Variants in SYNPR observed in about 807,000 individuals in gnomAD.
The protein encoded by SYNPR is synaptoporin.
SYNPR carries 23 observed loss-of-function variants against 32.9 expected under a neutral mutation model. That is an observed-to-expected ratio of 0.70 (90% CI 0.50 to 0.99). SYNPR has a LOEUF of 0.99. Ranked by LOEUF, SYNPR falls within the 50% of genes least tolerant of loss-of-function variation. SYNPR has a pLI of 0.00. For missense variants in SYNPR, 318 were observed against 349.3 expected, an observed-to-expected ratio of 0.91 and a Z score of 0.71; for synonymous variants, 146 against 135.9, an observed-to-expected ratio of 1.07 and a Z score of -0.52.
intron 2 of SYNPR, among the ~76,000 whole-genome samples, chr3:63,343,691 C>T (rs566052140): frequency 1.3e-5 from 2 of 152,268 alleles, no homozygotes; most frequent in South Asian, 2.1e-4. Flanking sequence ...TATAAATTAC[C>T]CTAGAAGTTG....
intron 4 of SYNPR, among the ~76,000 whole-genome samples, chr3:63,587,905 C>A (rs1310876544): frequency 6.6e-6 from 1 of 151,976 alleles, no homozygotes; most frequent in African/African-American, 2.4e-5. Context: ...GCAACTGCAA[C>A]CATGCACAGT....
intron 2 of SYNPR, among the ~76,000 whole-genome samples, chr3:63,280,125 G>C (rs1164053820): frequency 1.3e-5 from 2 of 152,160 alleles, no homozygotes; most frequent in Admixed American, 6.5e-5. Flanking sequence ...CAAGTTCAAA[G>C]AGCTGACATC....
intron 4 of SYNPR, among the ~76,000 whole-genome samples, chr3:63,579,813 A>G (rs867739874): frequency 3.4e-5 from 5 of 146,792 alleles, no homozygotes; most frequent in Non-Finnish European, 5.9e-5. Context: ...ACACACACAC[A>G]CACACACACA....
chr3:63,455,263 T>C (rs1187518757), intron 2 of SYNPR, among the ~76,000 whole-genome samples: 1 of 152,114 alleles, frequency 6.6e-6, no homozygotes, highest in Non-Finnish European at 1.5e-5. Flanking sequence ...CTAATTATTA[T>C]AACTCTTATA....
chr3:63,295,684 T>C (rs1049592289), intron 2 of SYNPR, among the ~76,000 whole-genome samples: 3 of 152,224 alleles, frequency 2.0e-5, no homozygotes, highest in Non-Finnish European at 2.9e-5. Flanking sequence ...CTTATAAATA[T>C]ACTTGATAAA....
At chr3:63,264,354 G>A (rs919351722) in intron 2 of SYNPR, among the ~76,000 whole-genome samples, 2 of 151,878 alleles carry the variant, frequency 1.3e-5, no homozygotes, top group South Asian at 2.1e-4. Context: ...GAATTTAAGC[G>A]AAACAATAAT....
chr3:63,230,930 A>G (rs1452855960), intron 1 of SYNPR, among the ~76,000 whole-genome samples: 1 of 152,194 alleles, frequency 6.6e-6, no homozygotes, highest in Non-Finnish European at 1.5e-5. Context: ...GGATGTCAAG[A>G]GACTCCTTTT....
chr3:63,588,932 A>G (rs1007037009), intron 4 of SYNPR, among the ~76,000 whole-genome samples: 1 of 152,120 alleles, frequency 6.6e-6, no homozygotes, highest in Non-Finnish European at 1.5e-5. Context: ...CATGTGAGAC[A>G]CCCAAATTCC....
At chr3:63,565,292 C>G (rs182636258) in intron 4 of SYNPR, among the ~76,000 whole-genome samples, 1 of 152,222 alleles carries the variant, frequency 6.6e-6, no homozygotes, top group African/African-American at 2.4e-5. Flanking sequence ...AATAAAATAC[C>G]TGAGACTGGG....
At chr3:63,323,364 A>C (rs1168144378) in intron 2 of SYNPR, among the ~76,000 whole-genome samples, 3 of 152,192 alleles carry the variant, frequency 2.0e-5, no homozygotes, top group African/African-American at 7.2e-5. Context: ...GCCTTATGGC[A>C]AAAAGGGAGA....
the SYNPR span, among the ~76,000 whole-genome samples, chr3:63,219,638 A>T: frequency 6.6e-6 from 1 of 152,168 alleles, no homozygotes; most frequent in South Asian, 2.1e-4. Flanking sequence ...TGTATGGTAT[A>T]TGGATTATAT....
chr3:63,225,936 G>A (rs534794928), upstream of SYNPR, among the ~76,000 whole-genome samples: 26 of 151,378 alleles, frequency 1.7e-4, no homozygotes, highest in African/African-American at 5.6e-4. Flanking sequence ...GAATATACAA[G>A]GTACCCAAAA....
In SYNPR at chr3:63,289,669, C is replaced by T. The variant is rs143331525; in HGVS notation, c.84+10927C>T. Reference sequence around the variant, plus strand: ...GGGCCCCACCTCCTAAATTACGGATCGAATTTCAACTTGAGATTTGGAGGA... The same window carrying T: ...GGGCCCCACCTCCTAAATTACGGATTGAATTTCAACTTGAGATTTGGAGGA... On this transcript the variant is annotated intron_variant, in intron 2 of 5. Transcript: ENST00000478300. 2.3e-3 allele frequency among the ~76,000 whole-genome samples: 351 copies of T among 152,122 alleles called. 5 individuals are homozygous for T. The highest frequency in any genetic ancestry group is 8.1e-3 in the African/African-American group (337 of 41,480).
At chr3:63,247,187 A>G (rs2086298847) in intron 1 of SYNPR, among the ~76,000 whole-genome samples, 2 of 152,148 alleles carry the variant, frequency 1.3e-5, no homozygotes, top group Non-Finnish European at 2.9e-5. Flanking sequence ...ACATTTAGAC[A>G]TAAAATAGAT....
chr3:63,528,410 AC>A (rs2106784684), intron 3 of SYNPR, among the ~76,000 whole-genome samples: 1 of 152,162 alleles, frequency 6.6e-6, no homozygotes, highest in South Asian at 2.1e-4. Flanking sequence ...TTTCCATGAA[AC>A]CCTTTTTTGA....
chr3:63,530,883 G>A (rs1366330463), intron 3 of SYNPR, among the ~76,000 whole-genome samples: 1 of 152,164 alleles, frequency 6.6e-6, no homozygotes, highest in East Asian at 1.9e-4. Flanking sequence ...AAATTGCCTT[G>A]AAAGAGACAG....
At chr3:63,434,510 C>G (rs954472145) in intron 2 of SYNPR, among the ~76,000 whole-genome samples, 17 of 152,238 alleles carry the variant, frequency 1.1e-4, no homozygotes, top group Non-Finnish European at 2.2e-4. Context: ...TCAAGTACCT[C>G]TTGATCAAAT....
chr3:63,326,309 C>T (rs1485691884), intron 2 of SYNPR, among the ~76,000 whole-genome samples: 1 of 142,008 alleles, frequency 7.0e-6, no homozygotes, highest in Middle Eastern at 3.4e-3. Flanking sequence ...TTAACCAACA[C>T]CCAACAGACA....
chr3:63,298,350 A>T (rs1419028420), intron 2 of SYNPR, among the ~76,000 whole-genome samples: 1 of 152,190 alleles, frequency 6.6e-6, no homozygotes, highest in Non-Finnish European at 1.5e-5. Flanking sequence ...ATCTAGTTAT[A>T]TACATCACCT....
Sources: allele counts gnomAD v4.1 joint callset (sites outside exome capture counted in the v4.1 genomes callset), GRCh38; gene constraint gnomAD v4.1.1; transcripts MANE v1.5; gene names NCBI Gene and HGNC (gene_info 2026-07-23, HGNC 2026-07-21).